CDH1: variants seen among roughly 807,000 people sequenced by gnomAD.
CDH1 encodes the protein cadherin 1, also known as cadherin-1.
A neutral mutation model predicts 84.5 loss-of-function variants in CDH1; 35 were observed. The observed-to-expected ratio is 0.41, with a 90% confidence interval of 0.32 to 0.55. The LOEUF (loss-of-function observed/expected upper bound fraction) is 0.55. CDH1 is among the 20% of genes least tolerant of loss of function. CDH1 has a pLI of 0.19. For synonymous variants in CDH1, 417 were observed against 439.0 expected (o/e 0.95, Z 0.63); for missense variants, 994 against 1,126.6 (o/e 0.88, Z 1.68).
In CDH1 at chr16:68,781,159, G is replaced by A. The variant is rs115892104; in HGVS notation, c.164-20511G>A. On this transcript the variant is annotated intron_variant, in intron 2 of 15. Coordinates refer to ENST00000261769, the MANE Select transcript of CDH1 (RefSeq NM_004360.5). ...AGCTGTGCTTTGTATTTTGTAATTC[G>A]CAGCACTCAAAGCACTCACACAGGA... is the stretch of plus-strand genomic sequence containing the variant. Among the ~76,000 whole-genome samples, 398 of 152,218 alleles carry A rather than the reference G, an allele frequency of 2.6e-3. 2 individuals carry two copies. The highest frequency in any genetic ancestry group is 9.1e-3 in the African/African-American group (378 of 41,538).
In CDH1 at chr16:68,819,300, C is replaced by T. The variant is rs1961073180; in HGVS notation, c.1586C>T (p.Thr529Ile). ...QKITYRIWRD[T>I]ANWLEINPDT... is the part of the protein sequence containing the mutation. The stretch of plus-strand genomic sequence containing the variant: ...TTCAGATATCGGATTTGGAGAGACA[C>T]TGCCAACTGGCTGGAGATTAATCCG... Residue 529 changes from threonine (T) to isoleucine (I), a missense_variant, in exon 11 of 16, where the codon ACT (threonine) becomes ATT (isoleucine). This residue lies in a region of CDH1 where 769 missense variants were observed against 881.8 expected (regional missense o/e 0.87). Coordinates refer to ENST00000261769, the MANE Select transcript of CDH1 (RefSeq NM_004360.5). The T allele has an allele frequency of 1.2e-6, 2 of 1,614,204 alleles. No individual in the cohort carries two copies. The highest frequency in any genetic ancestry group is 1.7e-6 in the Non-Finnish European group (2 of 1,180,044).
In CDH1 at chr16:68,758,207, C is replaced by CTTTTTTTTTTT. The variant is rs57413297; in HGVS notation, c.163+19813_163+19823dup. On this transcript the variant is annotated intron_variant, in intron 2 of 15. Coordinates refer to ENST00000261769, the MANE Select transcript of CDH1 (RefSeq NM_004360.5). Reference sequence around the variant, plus strand: ...GCCTAGGGTAGGCTTCTTTTTATTTCTTTTTTTTTTTTTTTTTTTTTTTTT... The same window carrying CTTTTTTTTTTT: ...GCCTAGGGTAGGCTTCTTTTTATTTCTTTTTTTTTTTTTTTTTTTTTTTTTTTTTTTTTTTT... Among the ~76,000 whole-genome samples, 32 of 40,044 alleles carry CTTTTTTTTTTT rather than the reference C, an allele frequency of 8.0e-4. 9 individuals are homozygous for CTTTTTTTTTTT. The highest frequency in any genetic ancestry group is 2.7e-3 in the African/African-American group (26 of 9,556). The allele number at this position is 40,044 out of a possible 152,430, so 26.3% of individuals were successfully genotyped here.
At position 68,833,786 on chromosome 16, in the gene CDH1, A is replaced by T. The variant is rs1961561747; in HGVS notation, c.*287A>T. On this transcript the variant is annotated 3_prime_UTR_variant, in exon 16 of 16. Transcript: ENST00000261769. ...CAAATTTTAATATTCCAGAAGAACAACTTTAGCATCAGAAGGTTCACCCAG... is the reference window on the plus strand; with the variant it reads ...CAAATTTTAATATTCCAGAAGAACATCTTTAGCATCAGAAGGTTCACCCAG... The T allele has an allele frequency of 2.2e-6, 1 of 464,580 alleles. No individual in the cohort carries two copies. The highest frequency in any genetic ancestry group is 3.9e-6 in the Non-Finnish European group (1 of 254,052). 28.8% of individuals were successfully genotyped at this position (464,580 alleles called of 1,614,324 possible).
chr16:68,751,466 G>C (rs942610969), intron 2 of CDH1, among the ~76,000 whole-genome samples: 2 of 151,848 alleles, frequency 1.3e-5, no homozygotes, highest in African/African-American at 4.8e-5. Flanking sequence ...TGTCACTCCC[G>C]CCCTCAGGGA....
chr16:68,825,997 T>A (rs1438634148), intron 13 of CDH1, among the ~76,000 whole-genome samples: 1 of 151,910 alleles, frequency 6.6e-6, no homozygotes, highest in Admixed American at 6.6e-5. Flanking sequence ...TTTAATATTT[T>A]TTTGTAGAAA....
chr16:68,804,264 C>T (rs1318879983), intron 3 of CDH1, among the ~76,000 whole-genome samples: 1 of 151,920 alleles, frequency 6.6e-6, no homozygotes, highest in African/African-American at 2.4e-5. Context: ...CAGGCATCCG[C>T]CACCACGCCT....
intron 2 of CDH1, among the ~76,000 whole-genome samples, chr16:68,772,391 A>T (rs999764523): frequency 6.6e-6 from 1 of 152,130 alleles, no homozygotes; most frequent in Non-Finnish European, 1.5e-5. Context: ...TAATTAGTTC[A>T]CTAAGATTAA....
intron 2 of CDH1, among the ~76,000 whole-genome samples, chr16:68,801,144 C>T (rs913406646): frequency 6.6e-6 from 1 of 152,150 alleles, no homozygotes; most frequent in Non-Finnish European, 1.5e-5. Flanking sequence ...TGGAGTCTCG[C>T]TCTGTTGCCC....
At chr16:68,793,006 A>G (rs1960251542) in intron 2 of CDH1, among the ~76,000 whole-genome samples, 2 of 152,192 alleles carry the variant, frequency 1.3e-5, no homozygotes, top group African/African-American at 2.4e-5. Flanking sequence ...GAACTTGATA[A>G]GCTTCATGCA....
At position 68,813,341 on chromosome 16, in the gene CDH1, C is replaced by T. The variant is rs1555515869; in HGVS notation, c.1166C>T (p.Ala389Val). The T allele has an allele frequency of 6.2e-7, 1 of 1,614,174 alleles. No individual in the cohort carries two copies. Among genetic ancestry groups the T allele is most frequent in the Non-Finnish European group, 8.5e-7 (1 of 1,180,032 alleles). Residue 389 changes from alanine (A) to valine (V), a missense_variant, in exon 9 of 16, where the codon GCT becomes GTT. By Grantham distance (64) the Ala-to-Val change is moderately conservative (BLOSUM62 0). Around this residue, in one of 3 missense-constraint regions of CDH1, gnomAD observed 769 missense variants for 881.8 expected, o/e 0.87. Transcript: ENST00000261769. ...AAGGGTCAGGTGCCTGAGAACGAGG[C>T]TAACGTCGTAATCACCACACTGAAA... is the stretch of plus-strand genomic sequence containing the variant. Reference protein sequence around the residue: ...TYKGQVPENEANVVITTLKVT... With the variant: ...TYKGQVPENEVNVVITTLKVT...
chr16:68,825,686 C>A (rs1328896554), intron 13 of CDH1, among the ~76,000 whole-genome samples: 1 of 151,956 alleles, frequency 6.6e-6, no homozygotes, highest in African/African-American at 2.4e-5. Flanking sequence ...TTCATCATTG[C>A]CTTGGGCAGG....
chr16:68,770,439 T>C (rs12443730), intron 2 of CDH1, among the ~76,000 whole-genome samples: 45,150 of 152,014 alleles, frequency 0.3, 6,832 homozygotes, highest in Middle Eastern at 0.34. Context: ...TGAATGACTC[T>C]GCCTCTGCCT....
At chr16:68,802,960 G>A (rs1441716979) in intron 3 of CDH1, among the ~76,000 whole-genome samples, 1 of 152,154 alleles carries the variant, frequency 6.6e-6, no homozygotes, top group Non-Finnish European at 1.5e-5. Flanking sequence ...CAGATGAATT[G>A]GCCATGAATG....
intron 11 of CDH1, among the ~76,000 whole-genome samples, chr16:68,821,087 G>C (rs541266201): frequency 6.6e-6 from 1 of 152,044 alleles, no homozygotes; most frequent in African/African-American, 2.4e-5. Flanking sequence ...TATCCGTATC[G>C]TATACTAATA....
rs587783050 is a variant in CDH1 at position 68,812,263 on chromosome 16, G to A, written c.1137G>A (p.Thr379=). ...ATCCTCCGATCTTCAATCCCACCAC[G>A]GTAATTCTATAACTCCTTAGAGGGT... is the stretch of plus-strand genomic sequence containing the variant. The part of the protein sequence containing the change: ...NDNPPIFNPT[T]YKGQVPENEA... Residue 379 remains threonine, a splice_region_variant and synonymous_variant, in exon 8 of 16, where the codon ACG becomes ACA. Coordinates refer to ENST00000261769, the MANE Select transcript of CDH1 (RefSeq NM_004360.5). 6.2e-7 allele frequency: 1 copy of A among 1,613,960 alleles called. No homozygotes were observed. Among genetic ancestry groups the A allele is most frequent in the Non-Finnish European group, 8.5e-7 (1 of 1,179,922 alleles).
chr16:68,749,606 C>T (rs1011688280), intron 2 of CDH1, among the ~76,000 whole-genome samples: 5 of 152,186 alleles, frequency 3.3e-5, no homozygotes, highest in African/African-American at 7.2e-5. Context: ...TGACCTTGCA[C>T]GCTTGACAGT....
At chr16:68,812,308 G>C (rs1447948622) in intron 8 of CDH1, 45 bp downstream of exon 8, 7 of 1,606,624 alleles carry the variant, frequency 4.4e-6, no homozygotes, top group Non-Finnish European at 6.0e-6. Flanking sequence ...AAGGTCTTTT[G>C]TTGTTCATGA....
At chr16:68,778,654 A>AAGGC (rs963780357) in intron 2 of CDH1, among the ~76,000 whole-genome samples, 6 of 152,182 alleles carry the variant, frequency 3.9e-5, no homozygotes, top group Non-Finnish European at 5.9e-5. Context: ...GTGTAATCAG[A>AAGGC]AGGCAGGCAG....
At chr16:68,757,087 T>C (rs1963035113) in intron 2 of CDH1, among the ~76,000 whole-genome samples, 1 of 152,096 alleles carries the variant, frequency 6.6e-6, no homozygotes, top group Non-Finnish European at 1.5e-5. Context: ...GAGTCTCTGA[T>C]TTTTGTTTTG....
Sources: gnomAD v4.1 joint callset for allele counts (sites outside exome capture counted in the v4.1 genomes callset) on GRCh38, gnomAD v4.1.1 for gene constraint, gnomAD v4.1.1 regional missense constraint, MANE v1.5 for transcripts, NCBI Gene and HGNC (gene_info 2026-07-23, HGNC 2026-07-21) for gene names.